Variants in RAB27B observed in about 807,000 individuals in gnomAD.
RAB27B encodes the protein ras-related protein Rab-27B.
RAB27B carries 15 observed loss-of-function variants against 24.6 expected under a neutral mutation model. The observed-to-expected ratio is 0.61, with a 90% CI of 0.41 to 0.94. The LOEUF (loss-of-function observed/expected upper bound fraction) is 0.94, where lower values mean the gene tolerates loss of function less well. Among genes scored for constraint, RAB27B ranks in the 40% least tolerant of loss-of-function variants. The pLI is 0.00. For missense variants in RAB27B, 261 were observed against 266.8 expected (o/e 0.98, Z 0.15); for synonymous variants, 105 against 92.5 (o/e 1.14, Z -0.78).
intron 2 of RAB27B, among the ~76,000 whole-genome samples, chr18:54,742,664 A>C (rs1274712201): frequency 6.6e-6 from 1 of 152,194 alleles, no homozygotes; most frequent in Non-Finnish European, 1.5e-5. Flanking sequence ...TGGTAGGTGT[A>C]AGGCAGTCTG....
At chr18:54,827,482 AT>A (rs1187190144), upstream of RAB27B, among the ~76,000 whole-genome samples, 2 of 151,786 alleles carry the variant, frequency 1.3e-5, no homozygotes, top group African/African-American at 4.8e-5. Flanking sequence ...CTAATATTCC[AT>A]TTTTCCACTA....
Position 54,892,044 on chromosome 18 carries a change from A to G in RAB27B, c.*2631A>G, listed in dbSNP as rs1024837426. On this transcript the variant is annotated 3_prime_UTR_variant, in exon 6 of 6. Transcript: ENST00000262094. ...TGTGTAATTCATTTTACAATTTCAAATTGTTCTGGTGCCATAAAGTATACA... is the reference window on the plus strand; with the variant it reads ...TGTGTAATTCATTTTACAATTTCAAGTTGTTCTGGTGCCATAAAGTATACA... The G allele has an allele frequency of 1.3e-5, 2 of 151,990 alleles. No individual in the cohort carries two copies. Among genetic ancestry groups the G allele is most frequent in the African/African-American group, 4.8e-5 (2 of 41,384 alleles). The allele number at this position is 151,990 out of a possible 1,614,324, so 9.4% of individuals were successfully genotyped here.
chr18:54,827,172 C>T (rs977761976), upstream of RAB27B, among the ~76,000 whole-genome samples: 3 of 152,170 alleles, frequency 2.0e-5, no homozygotes, highest in East Asian at 3.8e-4. Flanking sequence ...ACAGGCTGAG[C>T]CTCAAAGACT....
At chr18:54,780,470 G>A (rs1470142355) in intron 2 of RAB27B, among the ~76,000 whole-genome samples, 1 of 131,032 alleles carries the variant, frequency 7.6e-6, no homozygotes, top group Non-Finnish European at 1.6e-5. Flanking sequence ...CCCCCTCACT[G>A]TGTCTCCCCC....
At chr18:54,797,923 T>G (rs1481106650) in intron 2 of RAB27B, among the ~76,000 whole-genome samples, 1 of 152,224 alleles carries the variant, frequency 6.6e-6, no homozygotes. Flanking sequence ...AATAGAAATA[T>G]TCAGGAGACA....
chr18:54,736,812 C>T (rs181471702), intron 2 of RAB27B, among the ~76,000 whole-genome samples: 1 of 152,010 alleles, frequency 6.6e-6, no homozygotes. Context: ...ATAGCATAAG[C>T]GTTTGAGTTT....
intron 2 of RAB27B, among the ~76,000 whole-genome samples, chr18:54,751,865 G>A (rs567019233): frequency 1.3e-5 from 2 of 152,280 alleles, no homozygotes; most frequent in African/African-American, 4.8e-5. Context: ...ACTGAGCCAG[G>A]AAACTATAGA....
intron 2 of RAB27B, among the ~76,000 whole-genome samples, chr18:54,810,396 TATC>T (rs946179098): frequency 2.0e-5 from 3 of 152,196 alleles, no homozygotes; most frequent in African/African-American, 7.2e-5. Flanking sequence ...TTATTGTTAT[TATC>T]ATCTAATTTA....
Position 54,890,784 on chromosome 18 carries a change from G to T in RAB27B, c.*1371G>T, listed in dbSNP as rs1440638160. On this transcript the variant is annotated 3_prime_UTR_variant, in exon 6 of 6. Transcript: ENST00000262094. The stretch of plus-strand genomic sequence containing the variant: ...CTGATCTTATCTCAACAAAAAACTG[G>T]CCAGTATTTTTGTTAATGTAAAGCT... 1 of 151,962 alleles carries T rather than the reference G, an allele frequency of 6.6e-6. No individual in the cohort carries two copies. Among genetic ancestry groups the T allele is most frequent in the Non-Finnish European group, 1.5e-5 (1 of 67,974 alleles). The allele number at this position is 151,962 out of a possible 1,614,324, so 9.4% of individuals were successfully genotyped here.
intron 2 of RAB27B, among the ~76,000 whole-genome samples, chr18:54,769,810 T>G (rs1908485983): frequency 6.6e-6 from 1 of 152,224 alleles, no homozygotes; most frequent in South Asian, 2.1e-4. Flanking sequence ...ATTTACTTAA[T>G]AAACCACATT....
At chr18:54,806,467 T>C (rs1037967139) in intron 2 of RAB27B, among the ~76,000 whole-genome samples, 8 of 147,950 alleles carry the variant, frequency 5.4e-5, no homozygotes, top group African/African-American at 2.0e-4. Flanking sequence ...TATTTATATA[T>C]AATGATATAT....
chr18:54,889,064 G>A (rs1459371629), intron 5 of RAB27B, among the ~76,000 whole-genome samples, 160 bp from the exon 6 acceptor site: 1 of 152,032 alleles, frequency 6.6e-6, no homozygotes. Flanking sequence ...TTTACTCACT[G>A]AGGAAAAAAC....
rs576112233 is a variant in RAB27B, at chr18:54,726,228, A to G, written c.-20+8087A>G. 5.3e-5 allele frequency among the ~76,000 whole-genome samples: 8 copies of G among 151,688 alleles called. No homozygotes were observed. In the South Asian group the frequency reaches 1.3e-3, roughly 24 times the overall value. Reference sequence around the variant, plus strand: ...TCGTATTTTAAATAAAAACTCAAGTATCATAAATCTGAGGGTTGCAAAGTA... The same window carrying G: ...TCGTATTTTAAATAAAAACTCAAGTGTCATAAATCTGAGGGTTGCAAAGTA... On this transcript the variant is annotated intron_variant, in intron 2 of 4. Coordinates refer to the RAB27B transcript ENST00000586570.
At chr18:54,813,912 G>A (rs562330386) in intron 2 of RAB27B, among the ~76,000 whole-genome samples, 161 of 152,028 alleles carry the variant, frequency 1.1e-3, no homozygotes, top group Non-Finnish European at 2.0e-3. Flanking sequence ...GTCAGTAATG[G>A]AACTTGGATC....
At chr18:54,819,294 A>G (rs978630523) in intron 2 of RAB27B, among the ~76,000 whole-genome samples, 1 of 148,180 alleles carries the variant, frequency 6.7e-6, no homozygotes, top group Non-Finnish European at 1.5e-5. Flanking sequence ...ATACTATTAG[A>G]AATATAATAA....
At chr18:54,816,722 C>T (rs1201389242) in intron 2 of RAB27B, among the ~76,000 whole-genome samples, 1 of 152,092 alleles carries the variant, frequency 6.6e-6, no homozygotes, top group Non-Finnish European at 1.5e-5. Context: ...TTCTGATTGC[C>T]ACAAATCCAT....
intron 4 of RAB27B, among the ~76,000 whole-genome samples, chr18:54,885,328 G>A (rs573491881): frequency 1.3e-5 from 2 of 152,204 alleles, no homozygotes; most frequent in East Asian, 3.9e-4. Flanking sequence ...TTCCTGCTCA[G>A]AGTCCTTCTG....
At chr18:54,803,837 G>A (rs763116529) in intron 2 of RAB27B, among the ~76,000 whole-genome samples, 14 of 152,120 alleles carry the variant, frequency 9.2e-5, no homozygotes, top group Non-Finnish European at 1.5e-4. Context: ...CAGGTTTGGG[G>A]GTTCATTTAG....
At chr18:54,765,001 A>G (rs1908313470) in intron 2 of RAB27B, among the ~76,000 whole-genome samples, 1 of 152,142 alleles carries the variant, frequency 6.6e-6, no homozygotes, top group South Asian at 2.1e-4. Context: ...TGTTATTTTA[A>G]TTAACCAACA....
Sources: gnomAD v4.1 joint callset for allele counts (sites outside exome capture counted in the v4.1 genomes callset) on GRCh38, gnomAD v4.1.1 for gene constraint, MANE v1.5 for transcripts, NCBI Gene and HGNC (gene_info 2026-07-23, HGNC 2026-07-21) for gene names.